Variants in DISP2 observed in about 807,000 individuals in gnomAD.
DISP2 encodes protein dispatched homolog 2.
In DISP2, 59 loss-of-function variants were observed where a neutral mutation model predicts 95.5. That is an observed-to-expected ratio of 0.62 (90% CI 0.50 to 0.77). The LOEUF (loss-of-function observed/expected upper bound fraction) is 0.77, where lower values mean the gene tolerates loss of function less well. Ranked by LOEUF, DISP2 falls within the 30% of genes least tolerant of loss-of-function variation. The pLI is 0.00. For synonymous variants in DISP2, 827 were observed against 815.0 expected, an observed-to-expected ratio of 1.01 and a Z score of -0.25; for missense variants, 1,752 against 1,854.6, an observed-to-expected ratio of 0.94 and a Z score of 1.02.
At position 40,367,996 on chromosome 15, in the gene DISP2, G is replaced by A. The variant is rs774003717; in HGVS notation, c.1884G>A (p.Val628=). 1 of 1,542,416 alleles carries A rather than the reference G, an allele frequency of 6.5e-7. No homozygotes were observed. The highest frequency in any genetic ancestry group is 8.7e-7 in the Non-Finnish European group (1 of 1,150,578). Residue 628 remains valine (V), a synonymous_variant, in exon 8 of 8, where the codon GTG becomes GTA. Transcript: ENST00000267889. ...LALFMGTAVL[V]HLALTLVWLP... The stretch of plus-strand genomic sequence containing the variant: ...TCTTCATGGGCACGGCTGTGCTGGT[G>A]CACCTGGCGCTCACGCTGGTCTGGC...
Position 40,377,127 on chromosome 15 carries a change from AT to A in DISP2, c.*6810del, listed in dbSNP as rs1415554173. 6.6e-6 allele frequency: 1 copy of A among 152,208 alleles called. No individual in the cohort carries two copies. Among genetic ancestry groups the A allele is most frequent in the African/African-American group, 2.4e-5 (1 of 41,414 alleles). The allele number at this position is 152,208 out of a possible 1,614,324, so 9.4% of individuals were successfully genotyped here. Reference sequence around the variant, plus strand: ...ATCACGAGGTCAGGAGATCGAGACCATCCTGGCTAACATGGTGAAACCTCAT... The same window carrying A: ...ATCACGAGGTCAGGAGATCGAGACCACCTGGCTAACATGGTGAAACCTCAT... On this transcript the variant is annotated 3_prime_UTR_variant, in exon 8 of 8. Coordinates refer to ENST00000267889, the MANE Select transcript of DISP2 (RefSeq NM_033510.3).
In DISP2 at chr15:40,358,332, A is replaced by ACAG. The variant is rs770663891; in HGVS notation, c.25_27dup (p.Ser9dup). ...GTGCCGCCCACGGGCATGGACGGTGACAGCAGCAGCAGCAGCGGCGGCAGC... is the reference window on the plus strand; with the variant it reads ...GTGCCGCCCACGGGCATGGACGGTGACAGCAGCAGCAGCAGCAGCGGCGGCAGC... On this transcript the variant is annotated inframe_insertion, in exon 1 of 8. Transcript: ENST00000267889. 19 of 1,385,848 alleles carry ACAG rather than the reference A, an allele frequency of 1.4e-5. No individual in the cohort carries two copies. Among genetic ancestry groups the ACAG allele is most frequent in the Middle Eastern group, 2.5e-4 (1 of 4,058 alleles). 85.8% of individuals were successfully genotyped at this position (1,385,848 alleles called of 1,614,324 possible). A position where few individuals can be genotyped will look rare whatever the true frequency, so the allele number is the denominator to read the frequency against.
Position 40,367,159 on chromosome 15 carries a change from C to T in DISP2, c.1047C>T (p.Asn349=), listed in dbSNP as rs1343616651. 6.2e-7 allele frequency: 1 copy of T among 1,614,050 alleles called. No homozygotes were observed. The highest frequency in any genetic ancestry group is 1.3e-5 in the African/African-American group (1 of 75,006). Residue 349 remains asparagine, a synonymous_variant, in exon 8 of 8, where the codon AAC becomes AAT. Transcript: ENST00000267889. ...SLGNYLAVLS[N]RSSCLDTTQA... ...GCAACTATCTGGCTGTGCTCTCCAA[C>T]CGCTCCTCCTGCCTGGACACTACCC...
At chr15:40,366,368 TGTGACA>T (rs1197118995) in intron 7 of DISP2, among the ~76,000 whole-genome samples, 5 of 152,226 alleles carry the variant, frequency 3.3e-5, no homozygotes, top group African/African-American at 1.2e-4. Flanking sequence ...ACAGGGATGT[TGTGACA>T]GTTAAATGAG....
chr15:40,360,833 A>G (rs1889395067), intron 1 of DISP2, among the ~76,000 whole-genome samples: 1 of 152,026 alleles, frequency 6.6e-6, no homozygotes, highest in Non-Finnish European at 1.5e-5. Flanking sequence ...AGGCTGCCCC[A>G]CTCTCCTGAC....
At chr15:40,364,587 C>T (rs776636023) in intron 4 of DISP2, 43 bp downstream of exon 4, 2 of 1,599,800 alleles carry the variant, frequency 1.3e-6, no homozygotes, top group South Asian at 1.1e-5. Flanking sequence ...GGCCTGGCCA[C>T]CTTGACCCAG....
Position 40,368,623 on chromosome 15 carries a change from C to T in DISP2, c.2511C>T (p.Phe837=), listed in dbSNP as rs201602512. The change falls in exon 8 of 8, where the codon TTC becomes TTT. Residue 837 remains phenylalanine, a synonymous_variant. Transcript: ENST00000267889. ...AGGAAGGCTGGCCCACGCTGTGTTT[C>T]GTGGAGACCCTCCAGCGCTGGATGG... ...TLQEGWPTLC[F]VETLQRWMES... 4 of 1,608,288 alleles carry T rather than the reference C, an allele frequency of 2.5e-6. No homozygotes were observed. The highest frequency in any genetic ancestry group is 2.2e-5 in the South Asian group (2 of 91,086).
In DISP2 at chr15:40,364,205, ATCTTT is replaced by A; in HGVS notation, c.450-16_450-12del. ...TGCAAGAGAACTCTGGCAAGCAAGC[ATCTTT>A]TCTTCTCTTCCACAGGCAGGAACGA... On this transcript the variant is annotated splice_polypyrimidine_tract_variant and intron_variant, in intron 2 of 7. Transcript: ENST00000267889. 1.9e-6 allele frequency: 3 copies of A among 1,613,948 alleles called. No homozygotes were observed. Among genetic ancestry groups the A allele is most frequent in the Admixed American group, 1.7e-5 (1 of 60,028 alleles).
At chr15:40,363,991 GA>G in intron 2 of DISP2, 37 bp downstream of exon 2, 1 of 1,513,122 alleles carries the variant, frequency 6.6e-7, no homozygotes, top group Non-Finnish European at 8.8e-7. Context: ...GCTGCCACTG[GA>G]AAATGCGGTG....
intron 1 of DISP2, among the ~76,000 whole-genome samples, chr15:40,361,496 T>C (rs537177804): frequency 6.6e-6 from 1 of 152,278 alleles, no homozygotes; most frequent in African/African-American, 2.4e-5. Context: ...TTATCTCATA[T>C]CTTCAACAGA....
At chr15:40,363,213 G>A (rs1468744211) in intron 1 of DISP2, among the ~76,000 whole-genome samples, 3 of 151,586 alleles carry the variant, frequency 2.0e-5, no homozygotes, top group African/African-American at 7.3e-5. Flanking sequence ...TCAGGAGGCT[G>A]AGGCAGGAGA....
rs1365905905 is a variant in DISP2, at chr15:40,368,865, A to T, written c.2753A>T (p.Asn918Ile). Residue 918 changes from asparagine (N) to isoleucine (I), a missense_variant, in exon 8 of 8, where the codon AAC (asparagine) becomes ATC (isoleucine). Coordinates refer to ENST00000267889, the MANE Select transcript of DISP2 (RefSeq NM_033510.3). Reference protein sequence around the residue: ...QTNFRNSPDYNQTQLFYNEVS... With the variant: ...QTNFRNSPDYIQTQLFYNEVS... ...AACTTCCGGAACAGTCCGGACTACA[A>T]CCAGACCCAGCTCTTCTACAATGAG... The T allele has an allele frequency of 3.1e-6, 5 of 1,613,776 alleles. No homozygotes were observed. Among genetic ancestry groups the T allele is most frequent in the Non-Finnish European group, 4.2e-6 (5 of 1,180,030 alleles).
At position 40,377,472 on chromosome 15, in the gene DISP2, A is replaced by T. The variant is rs183927451; in HGVS notation, c.*7154A>T. On this transcript the variant is annotated 3_prime_UTR_variant, in exon 8 of 8. Transcript: ENST00000267889. ...GTTTCAAGACACTGGACATGAGGTA[A>T]CAAAAGACAGTGATCTCTCAGAGGC... 1 of 152,332 alleles carries T rather than the reference A, an allele frequency of 6.6e-6. No homozygotes were observed. Among genetic ancestry groups the T allele is most frequent in the Non-Finnish European group, 1.5e-5 (1 of 68,030 alleles). 9.4% of individuals were successfully genotyped at this position (152,332 alleles called of 1,614,324 possible).
chr15:40,369,903 C>T lies in DISP2; in HGVS notation c.3791C>T (p.Pro1264Leu). The change falls in exon 8 of 8, where the codon CCA (proline) becomes CTA (leucine). Residue 1264 changes from proline (P) to leucine (L), a missense_variant. Pro to Leu is a moderately conservative substitution (Grantham distance 98). Transcript: ENST00000267889. ...GEEAEPLPAS[P>L]EAPAHSPKAK... is the part of the protein sequence containing the mutation. The stretch of plus-strand genomic sequence containing the variant: ...GAGGCTGAGCCCCTGCCAGCCTCAC[C>T]AGAAGCCCCAGCCCACTCTCCTAAG... 2 of 1,568,714 alleles carry T rather than the reference C, an allele frequency of 1.3e-6. No homozygotes were observed. Among genetic ancestry groups the T allele is most frequent in the Non-Finnish European group, 8.6e-7 (1 of 1,156,258 alleles).
intron 1 of DISP2, 151 bp downstream of exon 1, chr15:40,358,591 C>T (rs1889358454): frequency 4.1e-6 from 2 of 491,286 alleles, no homozygotes. Context: ...AGGCCCCCCT[C>T]GCCACGCCCT....
In DISP2 at chr15:40,374,556, T is replaced by G. The variant is rs1328743684; in HGVS notation, c.*4238T>G. 1.7e-5 allele frequency: 2 copies of G among 120,096 alleles called. No individual in the cohort carries two copies. The highest frequency in any genetic ancestry group is 3.4e-5 in the Non-Finnish European group (2 of 58,108). 7.4% of individuals were successfully genotyped at this position (120,096 alleles called of 1,614,324 possible). A position where few individuals can be genotyped will look rare whatever the true frequency, so the allele number is the denominator to read the frequency against. On this transcript the variant is annotated 3_prime_UTR_variant, in exon 8 of 8. Transcript: ENST00000267889. ...GGGAAGAAGGCTTTAAATCAGATTT[T>G]AAGAAAGAGGATACATTGGTTTACA...
rs756103786 is a variant in DISP2 at position 40,369,082 on chromosome 15, A to C, written c.2970A>C (p.Leu990=). The C allele has an allele frequency of 6.2e-7, 1 of 1,613,872 alleles. No homozygotes were observed. Among genetic ancestry groups the C allele is most frequent in the Non-Finnish European group, 8.5e-7 (1 of 1,180,038 alleles). The part of the protein sequence containing the change: ...LLGTWNVPLS[L]FSVAAVAGTV... The stretch of plus-strand genomic sequence containing the variant: ...GCACCTGGAATGTTCCCCTCAGCCT[A>C]TTCTCCGTGGCAGCTGTGGCAGGCA... Residue 990 remains leucine (L), a synonymous_variant, in exon 8 of 8, where the codon CTA becomes CTC. Transcript: ENST00000267889.
intron 5 of DISP2, 59 bp downstream of exon 5, chr15:40,365,012 A>C (rs1889473839): frequency 3.7e-6 from 6 of 1,604,936 alleles, no homozygotes; most frequent in Non-Finnish European, 5.1e-6. Flanking sequence ...ATCTTCAGGA[A>C]GGGGACATTG....
At position 40,370,549 on chromosome 15, in the gene DISP2, C is replaced by A. The variant is rs1315662806; in HGVS notation, c.*231C>A. 1.2e-4 allele frequency: 90 copies of A among 778,616 alleles called. 2 individuals carry two copies. Among genetic ancestry groups the A allele is most frequent in the Non-Finnish European group, 8.7e-6 (4 of 460,250 alleles). The allele number at this position is 778,616 out of a possible 1,614,324, so 48.2% of individuals were successfully genotyped here. ...GGTTTTGGAGGGGACCTGCTTGCGA[C>A]CTGCTGAGGGCTTGTCTGCTCCCAC... On this transcript the variant is annotated 3_prime_UTR_variant, in exon 8 of 8. Coordinates refer to ENST00000267889, the MANE Select transcript of DISP2 (RefSeq NM_033510.3).
Sources: allele counts gnomAD v4.1 joint callset (sites outside exome capture counted in the v4.1 genomes callset), GRCh38; gene constraint gnomAD v4.1.1; transcripts MANE v1.5; gene names NCBI Gene and HGNC (gene_info 2026-07-23, HGNC 2026-07-21).